The following CCSER1 variants were observed in gnomAD, a reference collection of about 807,000 sequenced individuals.
The protein encoded by CCSER1 is coiled-coil serine rich protein 1, also known as serine-rich coiled-coil domain-containing protein 1.
A neutral mutation model predicts 82.0 loss-of-function variants in CCSER1; 41 were observed. The observed-to-expected ratio is 0.50, with a 90% CI of 0.39 to 0.65. CCSER1 has a LOEUF of 0.65. Ranked by LOEUF, CCSER1 falls within the 30% of genes least tolerant of loss-of-function variation. The pLI is 0.00. For synonymous variants in CCSER1, 414 were observed against 383.9 expected (o/e 1.08, Z -0.92); for missense variants, 1,119 against 1,064.2 (o/e 1.05, Z -0.72).
At chr4:90,937,437 A>G (rs1731078302) in intron 9 of CCSER1, among the ~76,000 whole-genome samples, 1 of 151,720 alleles carries the variant, frequency 6.6e-6, no homozygotes, top group Non-Finnish European at 1.5e-5. Flanking sequence ...ATAAAAAATA[A>G]ATGCAAACAC....
chr4:90,795,634 T>C (rs1207373756), intron 7 of CCSER1, among the ~76,000 whole-genome samples: 1 of 152,200 alleles, frequency 6.6e-6, no homozygotes, highest in Non-Finnish European at 1.5e-5. Flanking sequence ...TGTGGGTTTG[T>C]CATAGATGGC....
chr4:91,461,956 T>G (rs1269447662), intron 10 of CCSER1, among the ~76,000 whole-genome samples: 1 of 152,170 alleles, frequency 6.6e-6, no homozygotes, highest in Non-Finnish European at 1.5e-5. Flanking sequence ...TATGGGCAAA[T>G]TAAGAGCTCT....
intron 9 of CCSER1, among the ~76,000 whole-genome samples, chr4:90,984,123 G>T (rs143056083): frequency 6.6e-6 from 1 of 151,860 alleles, no homozygotes; most frequent in Non-Finnish European, 1.5e-5. Context: ...AAGATGAAAT[G>T]CATACTGGAC....
In CCSER1 at chr4:90,269,147, A is replaced by G. The variant is rs182587441; in HGVS notation, c.-41-39097A>G. The stretch of plus-strand genomic sequence containing the variant: ...GGACAGATTATCCAGTTGGAAAACT[A>G]GCAAAGAAACATTTAATCTGTATTT... On this transcript the variant is annotated intron_variant, in intron 1 of 10. Coordinates refer to ENST00000509176, the MANE Select transcript of CCSER1 (RefSeq NM_001145065.2). 3.3e-5 allele frequency among the ~76,000 whole-genome samples: 5 copies of G among 152,280 alleles called. No homozygotes were observed. In the East Asian group the frequency reaches 9.6e-4, roughly 29 times the overall value.
intron 3 of CCSER1, among the ~76,000 whole-genome samples, chr4:90,382,240 T>A (rs1749315834): frequency 6.6e-6 from 1 of 152,216 alleles, no homozygotes; most frequent in African/African-American, 2.4e-5. Context: ...TTATTTTTTA[T>A]CCTAATAATA....
At chr4:90,500,020 C>T (rs1769617481) in intron 5 of CCSER1, among the ~76,000 whole-genome samples, 1 of 152,152 alleles carries the variant, frequency 6.6e-6, no homozygotes, top group Non-Finnish European at 1.5e-5. Flanking sequence ...AGTACTGCAT[C>T]TAATGTTCCT....
intron 1 of CCSER1, among the ~76,000 whole-genome samples, chr4:90,164,735 G>C (rs1730135806): frequency 6.6e-6 from 1 of 152,110 alleles, no homozygotes; most frequent in Non-Finnish European, 1.5e-5. Context: ...TTTGTCTAAA[G>C]AGTGTGTTTT....
At chr4:91,156,638 A>G (rs913144668) in intron 10 of CCSER1, among the ~76,000 whole-genome samples, 14 of 151,974 alleles carry the variant, frequency 9.2e-5, no homozygotes, top group African/African-American at 3.1e-4. Context: ...TGAGGGTCCA[A>G]CTGAGATGAC....
At chr4:91,541,886 C>A (rs902382694) in intron 10 of CCSER1, among the ~76,000 whole-genome samples, 11 of 152,042 alleles carry the variant, frequency 7.2e-5, no homozygotes, top group Non-Finnish European at 1.5e-4. Context: ...CTCTCCAGCA[C>A]CTGTTGTTTC....
chr4:91,144,115 T>A (rs1030965873), intron 10 of CCSER1, among the ~76,000 whole-genome samples: 2 of 152,060 alleles, frequency 1.3e-5, no homozygotes, highest in Non-Finnish European at 2.9e-5. Flanking sequence ...GGTAGGTATT[T>A]TAAATCACTG....
chr4:90,886,806 A>T (rs1237139179), intron 8 of CCSER1, among the ~76,000 whole-genome samples: 6 of 152,184 alleles, frequency 3.9e-5, no homozygotes, highest in African/African-American at 1.4e-4. Flanking sequence ...TTTCTTAAAA[A>T]ATTCTGTGTC....
intron 5 of CCSER1, among the ~76,000 whole-genome samples, chr4:90,523,330 C>T (rs1014045396): frequency 2.8e-4 from 42 of 152,250 alleles, no homozygotes; most frequent in African/African-American, 9.4e-4. Flanking sequence ...ATAGACAACT[C>T]ATCACCAATT....
intron 7 of CCSER1, among the ~76,000 whole-genome samples, chr4:90,729,842 C>G (rs1468247497): frequency 6.6e-6 from 1 of 151,962 alleles, no homozygotes; most frequent in African/African-American, 2.4e-5. Context: ...CACCACTGCA[C>G]TCCAGCCTGG....
chr4:91,043,535 A>T (rs1485784491), intron 9 of CCSER1, among the ~76,000 whole-genome samples: 2 of 151,780 alleles, frequency 1.3e-5, no homozygotes, highest in Admixed American at 1.3e-4. Flanking sequence ...AGAGGGAAAA[A>T]TTATTCACCT....
chr4:91,146,512 G>A (rs987022848), intron 10 of CCSER1, among the ~76,000 whole-genome samples: 2 of 151,800 alleles, frequency 1.3e-5, no homozygotes, highest in Non-Finnish European at 2.9e-5. Flanking sequence ...TGAACTGTTG[G>A]CGTTTTTGTG....
chr4:91,222,543 G>A (rs1376996391), intron 10 of CCSER1, among the ~76,000 whole-genome samples: 1 of 152,068 alleles, frequency 6.6e-6, no homozygotes, highest in Non-Finnish European at 1.5e-5. Context: ...TCTCAAATAA[G>A]CTTCCCATTA....
At chr4:91,197,644 T>C (rs942005861) in intron 10 of CCSER1, among the ~76,000 whole-genome samples, 1 of 152,232 alleles carries the variant, frequency 6.6e-6, no homozygotes, top group Non-Finnish European at 1.5e-5. Context: ...TTAATCCTAG[T>C]ATGTATTTAC....
chr4:90,604,962 A>G (rs1278235256), intron 5 of CCSER1, among the ~76,000 whole-genome samples: 2 of 152,100 alleles, frequency 1.3e-5, no homozygotes, highest in Non-Finnish European at 2.9e-5. Context: ...AGGGAATAAA[A>G]GCAGGCTGCC....
Position 91,551,825 on chromosome 4 carries a change from T to C in CCSER1, c.2218-46747T>C, listed in dbSNP as rs1008049686. On this transcript the variant is annotated intron_variant, in intron 10 of 10. Coordinates refer to ENST00000509176, the MANE Select transcript of CCSER1 (RefSeq NM_001145065.2). ...ACACACAAAAGGTCACTTTTTTGCA[T>C]GTTTTATTGAGATTTTGTTCCTGAA... 1.3e-4 allele frequency among the ~76,000 whole-genome samples: 19 copies of C among 151,802 alleles called. 1 individual carries two copies. The highest frequency in any genetic ancestry group is 4.6e-4 in the African/African-American group (19 of 41,278).
Sources: gnomAD v4.1 joint callset for allele counts (sites outside exome capture counted in the v4.1 genomes callset) on GRCh38, gnomAD v4.1.1 for gene constraint, MANE v1.5 for transcripts, NCBI Gene and HGNC (gene_info 2026-07-23, HGNC 2026-07-21) for gene names.